The following CCDC30 variants were observed in gnomAD, a reference collection of about 807,000 sequenced individuals.
CCDC30 encodes coiled-coil domain containing 30.
A neutral mutation model predicts 100.2 loss-of-function variants in CCDC30; 70 were observed. The observed-to-expected ratio is 0.70, with a 90% CI of 0.58 to 0.85. CCDC30 has a LOEUF of 0.85. CCDC30 is among the 40% of genes least tolerant of loss of function. The probability of loss-of-function intolerance (pLI) is 0.00; values close to 1 mark genes in which losing one functional copy is unlikely to be tolerated. For missense variants in CCDC30, 652 were observed against 771.2 expected (o/e 0.85, Z 1.83); for synonymous variants, 233 against 269.5 (o/e 0.86, Z 1.33).
chr1:42,482,731 A>G lies in CCDC30; in HGVS notation c.84A>G (p.Val28=), dbSNP rs962513342. Residue 28 remains valine, a synonymous_variant, in exon 3 of 17, where the codon GTA becomes GTG. Coordinates refer to ENST00000668663, the Ensembl canonical transcript of CCDC30. ...GCCTAGGAAGAGGAATGGAACAAGT[A>G]GCAAAGAAGTTAGGGGTGGCTCATG... The G allele has an allele frequency of 3.2e-6, 4 of 1,234,202 alleles. No homozygotes were observed. In the South Asian group the frequency reaches 1.2e-4, roughly 38 times the overall value. The allele number at this position is 1,234,202 out of a possible 1,614,324, so 76.5% of individuals were successfully genotyped here.
At chr1:42,586,064 A>G (rs1646062589) in intron 9 of CCDC30, among the ~76,000 whole-genome samples, 1 of 152,252 alleles carries the variant, frequency 6.6e-6, no homozygotes, top group African/African-American at 2.4e-5. Flanking sequence ...CCATGATAGT[A>G]CATAACACGG....
At chr1:42,495,656 C>A (rs1410123038) in intron 4 of CCDC30, among the ~76,000 whole-genome samples, 3 of 151,808 alleles carry the variant, frequency 2.0e-5, no homozygotes, top group Non-Finnish European at 2.9e-5. Context: ...CACCACTGCA[C>A]TCCAGCCTAG....
chr1:42,474,106 G>T (rs572916777), intron 1 of CCDC30, among the ~76,000 whole-genome samples: 1 of 152,204 alleles, frequency 6.6e-6, no homozygotes, highest in South Asian at 2.1e-4. Flanking sequence ...GCTTCACACA[G>T]GTAACATTTT....
At chr1:42,643,876 G>A (rs994303495) in intron 13 of CCDC30, among the ~76,000 whole-genome samples, 1 of 152,112 alleles carries the variant, frequency 6.6e-6, no homozygotes, top group African/African-American at 2.4e-5. Flanking sequence ...ATCAGAATCC[G>A]ATCAGTATGA....
chr1:42,637,870 TAGAA>T (rs1177726172), intron 12 of CCDC30, among the ~76,000 whole-genome samples: 1 of 152,192 alleles, frequency 6.6e-6, no homozygotes, highest in Admixed American at 6.5e-5. Context: ...GACAGATGAA[TAGAA>T]TCAAATGCAG....
chr1:42,554,888 A>G (rs1645337046), intron 6 of CCDC30, among the ~76,000 whole-genome samples: 1 of 152,024 alleles, frequency 6.6e-6, no homozygotes, highest in Admixed American at 6.6e-5. Flanking sequence ...CGTCTTATCC[A>G]GTCCCAGTGT....
chr1:42,502,642 C>T (rs901887729), intron 6 of CCDC30, among the ~76,000 whole-genome samples: 3 of 152,126 alleles, frequency 2.0e-5, no homozygotes, highest in Non-Finnish European at 4.4e-5. Flanking sequence ...TTTTTATCCC[C>T]CAAGAGAGAA....
intron 6 of CCDC30, among the ~76,000 whole-genome samples, chr1:42,507,505 T>C (rs756776512): frequency 3.9e-5 from 6 of 152,236 alleles, no homozygotes; most frequent in Non-Finnish European, 7.3e-5. Flanking sequence ...TTATCTAATT[T>C]AAGACAATTC....
intron 7 of CCDC30, 144 bp downstream of exon 11, chr1:42,566,619 C>T: frequency 3.3e-6 from 2 of 604,326 alleles, no homozygotes; most frequent in Non-Finnish European, 5.7e-6. Context: ...CCTCCTTTAA[C>T]TTTTCCCTGC....
intron 6 of CCDC30, among the ~76,000 whole-genome samples, chr1:42,547,806 A>T (rs1403965835): frequency 6.6e-6 from 1 of 152,122 alleles, no homozygotes; most frequent in South Asian, 2.1e-4. Context: ...TGTATCTACC[A>T]TGTGTCAGGC....
chr1:42,603,660 A>G (rs1052735023), intron 10 of CCDC30, among the ~76,000 whole-genome samples: 3 of 152,240 alleles, frequency 2.0e-5, no homozygotes, highest in African/African-American at 7.2e-5. Flanking sequence ...ATATCTTTGC[A>G]TTCATTTATT....
At chr1:42,634,270 A>ACC (rs1553127018) in intron 11 of CCDC30, among the ~76,000 whole-genome samples, 22 of 140,576 alleles carry the variant, frequency 1.6e-4, no homozygotes, top group Admixed American at 5.0e-4. Context: ...AAAAAAAAAA[A>ACC]AAAACAAAAC....
intron 9 of CCDC30, among the ~76,000 whole-genome samples, chr1:42,587,956 C>T (rs1001242357): frequency 5.9e-5 from 9 of 152,092 alleles, no homozygotes; most frequent in Non-Finnish European, 1.0e-4. Context: ...ATTAGGGTGC[C>T]GCAGTTGAGG....
intron 6 of CCDC30, among the ~76,000 whole-genome samples, chr1:42,509,713 A>T (rs1301532718): frequency 6.6e-6 from 1 of 152,160 alleles, no homozygotes; most frequent in Non-Finnish European, 1.5e-5. Context: ...TAACAGAATC[A>T]TGCAGAAAGA....
chr1:42,509,558 A>G (rs1405380319), intron 6 of CCDC30, among the ~76,000 whole-genome samples: 1 of 152,216 alleles, frequency 6.6e-6, no homozygotes, highest in African/African-American at 2.4e-5. Flanking sequence ...AAGTATTGCC[A>G]TGTGGTTACA....
intron 6 of CCDC30, 79 bp from the exon 11 acceptor site, chr1:42,566,217 G>T: frequency 9.2e-7 from 1 of 1,086,440 alleles, no homozygotes; most frequent in Non-Finnish European, 1.3e-6. Context: ...TGACAATTCC[G>T]GTTCTGACAA....
At chr1:42,578,965 G>A (rs1052799803) in intron 8 of CCDC30, among the ~76,000 whole-genome samples, 8 of 152,060 alleles carry the variant, frequency 5.3e-5, no homozygotes, top group Non-Finnish European at 1.5e-5. Context: ...CTGTGTCTAT[G>A]GAACAGCCAT....
chr1:42,488,975 TA>T (rs980882802), intron 3 of CCDC30, among the ~76,000 whole-genome samples: 8 of 152,200 alleles, frequency 5.3e-5, no homozygotes, highest in Non-Finnish European at 1.0e-4. Context: ...AGACTATATG[TA>T]GTTCCAGAAC....
chr1:42,576,884 T>C, intron 7 of CCDC30, 136 bp from the exon 12 acceptor site: 1 of 639,560 alleles, frequency 1.6e-6, no homozygotes, highest in Non-Finnish European at 2.7e-6. Context: ...ACATGGCAGC[T>C]CTAAAGAGGT....
Sources: gnomAD v4.1 joint callset for allele counts (sites outside exome capture counted in the v4.1 genomes callset) on GRCh38, gnomAD v4.1.1 for gene constraint, MANE v1.5 for transcripts, NCBI Gene and HGNC (gene_info 2026-07-23, HGNC 2026-07-21) for gene names.